Variants in SFI1 observed in about 807,000 individuals in gnomAD.
SFI1 encodes the protein protein SFI1 homolog.
In SFI1, 195 loss-of-function variants were observed where a neutral mutation model predicts 207.5. The ratio of observed to expected loss-of-function variants is 0.94; its 90% CI spans 0.84 to 1.06. SFI1 has a LOEUF of 1.06. SFI1 is among the 50% of genes least tolerant of loss of function. The pLI is 0.00. For synonymous variants in SFI1, 630 were observed against 598.9 expected (o/e 1.05, Z -0.76); for missense variants, 1,634 against 1,588.0 (o/e 1.03, Z -0.49).
intron 8 of SFI1, among the ~76,000 whole-genome samples, chr22:31,563,150 G>A (rs1005133181): frequency 6.6e-6 from 1 of 151,594 alleles, no homozygotes; most frequent in Non-Finnish European, 1.5e-5. Context: ...ATGCCGCCAC[G>A]CCTGGCTAAT....
intron 2 of SFI1, among the ~76,000 whole-genome samples, chr22:31,524,408 C>G (rs569668312): frequency 1.3e-5 from 2 of 151,834 alleles, no homozygotes; most frequent in Non-Finnish European, 2.9e-5. Context: ...AATGTCTATT[C>G]AGAGAATTTG....
chr22:31,594,382 T>C (rs1603278243), intron 15 of SFI1, among the ~76,000 whole-genome samples: 2 of 150,932 alleles, frequency 1.3e-5, no homozygotes, highest in East Asian at 3.9e-4. Flanking sequence ...ACCCTCTCTT[T>C]ACTAAAGATA....
intron 8 of SFI1, among the ~76,000 whole-genome samples, chr22:31,568,806 A>G (rs1050987632): frequency 1.3e-5 from 2 of 152,116 alleles, no homozygotes; most frequent in African/African-American, 4.8e-5. Flanking sequence ...TTGAGCATCA[A>G]AAAACAATAA....
At chr22:31,569,952 A>G in intron 8 of SFI1, among the ~76,000 whole-genome samples, 1 of 149,840 alleles carries the variant, frequency 6.7e-6, no homozygotes, top group East Asian at 1.9e-4. Context: ...TATCTCAAAA[A>G]AAAAAAAAAA....
intron 8 of SFI1, among the ~76,000 whole-genome samples, chr22:31,570,213 G>C (rs1380221353): frequency 6.6e-6 from 1 of 152,134 alleles, no homozygotes; most frequent in African/African-American, 2.4e-5. Flanking sequence ...AAAATTCCAG[G>C]TGAGATTTTC....
At chr22:31,501,309 C>T in intron 1 of SFI1, among the ~76,000 whole-genome samples, 1 of 151,502 alleles carries the variant, frequency 6.6e-6, no homozygotes, top group East Asian at 1.9e-4. Context: ...GTAGCTGGGA[C>T]TACAGGCGCC....
At chr22:31,582,919 T>G (rs1184506126) in intron 12 of SFI1, among the ~76,000 whole-genome samples, 1 of 152,174 alleles carries the variant, frequency 6.6e-6, no homozygotes, top group Non-Finnish European at 1.5e-5. Context: ...ACAATTTATT[T>G]ATTATTATAA....
intron 15 of SFI1, among the ~76,000 whole-genome samples, chr22:31,600,802 G>A (rs974860284): frequency 6.6e-6 from 1 of 152,228 alleles, no homozygotes; most frequent in African/African-American, 2.4e-5. Flanking sequence ...TACACTTACT[G>A]TCCAGCGCCT....
rs1456923002 is a variant in SFI1 at position 31,556,971 on chromosome 22, A to AAGTCCTGGT, written c.575_583dup (p.Trp194_Leu195insTer). ...AAAGCAAAAGATGCGACAGGCCTGGAAGTCCTGGTTGATCTACGTGGTTGT... is the reference window on the plus strand; with the variant it reads ...AAAGCAAAAGATGCGACAGGCCTGGAAGTCCTGGTAGTCCTGGTTGATCTACGTGGTTGT... On this transcript the variant is annotated stop_gained and inframe_insertion, in exon 7 of 33. Transcript: ENST00000400288. LOFTEE classifies it high-confidence loss of function. 3 of 1,610,530 alleles carry AAGTCCTGGT rather than the reference A, an allele frequency of 1.9e-6. No homozygotes were observed. In the African/African-American group the frequency reaches 4.0e-5, roughly 22 times the overall value.
chr22:31,532,244 G>T (rs917072479), intron 4 of SFI1, among the ~76,000 whole-genome samples: 1 of 152,136 alleles, frequency 6.6e-6, no homozygotes, highest in Non-Finnish European at 1.5e-5. Context: ...AATTGGCTTT[G>T]GCAAAGGAAA....
chr22:31,528,787 A>G lies in SFI1; in HGVS notation c.190A>G (p.Ser64Gly). ...CTTTGGGATCCGGAGGGAGTTACCTAGTACCAGTCATCTAGTGCAGTATCG... is the reference window on the plus strand; with the variant it reads ...CTTTGGGATCCGGAGGGAGTTACCTGGTACCAGTCATCTAGTGCAGTATCG... ...ASFGIRRELP[S>G]TSHLVQYRGT... The change falls in exon 3 of 33, where the codon AGT (serine) becomes GGT (glycine). Residue 64 changes from serine to glycine, a missense_variant. Ser to Gly is a moderately conservative substitution (Grantham distance 56). Transcript: ENST00000400288. 1.9e-6 allele frequency: 3 copies of G among 1,614,178 alleles called. No individual in the cohort carries two copies. The highest frequency in any genetic ancestry group is 2.5e-6 in the Non-Finnish European group (3 of 1,180,022).
At chr22:31,591,556 G>GC (rs1409849900) in intron 15 of SFI1, among the ~76,000 whole-genome samples, 1 of 144,526 alleles carries the variant, frequency 6.9e-6, no homozygotes, top group Non-Finnish European at 1.5e-5. Flanking sequence ...GGGCAGAGGC[G>GC]CCCCTCACCT....
At chr22:31,525,443 T>A (rs983363523) in intron 2 of SFI1, among the ~76,000 whole-genome samples, 1 of 152,202 alleles carries the variant, frequency 6.6e-6, no homozygotes, top group South Asian at 2.1e-4. Context: ...AAAAATAAAT[T>A]GGCACTGGGT....
chr22:31,554,226 C>T (rs1446514537), intron 6 of SFI1, among the ~76,000 whole-genome samples: 1 of 152,092 alleles, frequency 6.6e-6, no homozygotes, highest in African/African-American at 2.4e-5. Context: ...CTTATGTTTT[C>T]TCCTAAACAT....
At chr22:31,522,268 A>G (rs1056032056) in intron 2 of SFI1, among the ~76,000 whole-genome samples, 3 of 151,128 alleles carry the variant, frequency 2.0e-5, no homozygotes, top group African/African-American at 7.3e-5. Context: ...GTGTTTCACC[A>G]TGTTGGCCAG....
At chr22:31,585,625 T>G (rs1340792377) in intron 14 of SFI1, among the ~76,000 whole-genome samples, 1 of 152,200 alleles carries the variant, frequency 6.6e-6, no homozygotes, top group African/African-American at 2.4e-5. Context: ...ACTGCTGTTC[T>G]TCAGACACTG....
intron 2 of SFI1, among the ~76,000 whole-genome samples, chr22:31,514,507 C>CAA (rs776120363): frequency 0.23 from 11,233 of 48,716 alleles, 1,688 homozygotes; most frequent in East Asian, 0.42. Context: ...GACTCTGTCT[C>CAA]AAAAAAAAAA....
chr22:31,563,311 AC>A (rs1569318980), intron 8 of SFI1, among the ~76,000 whole-genome samples: 6 of 151,758 alleles, frequency 4.0e-5, no homozygotes, highest in African/African-American at 7.3e-5. Context: ...TATCATAATC[AC>A]CATGCAGTAT....
rs1369350812 is a variant in SFI1, at chr22:31,546,954, A to G, written c.432A>G (p.Arg144=). 6.2e-7 allele frequency: 1 copy of G among 1,610,382 alleles called. No individual in the cohort carries two copies. The highest frequency in any genetic ancestry group is 2.2e-5 in the East Asian group (1 of 44,770). ...VFQHEWKLCV[R]ADCHYRYYLY... is the part of the protein sequence containing the mutation. ...AGCACGAGTGGAAACTCTGTGTTCG[A>G]GCTGACTGTCACTACAGGTCAGGTT... Residue 144 remains arginine (R), a synonymous_variant, in exon 5 of 33, where the codon CGA becomes CGG. Transcript: ENST00000400288.
Sources: gnomAD v4.1 joint callset for allele counts (sites outside exome capture counted in the v4.1 genomes callset) on GRCh38, gnomAD v4.1.1 for gene constraint, MANE v1.5 for transcripts, NCBI Gene and HGNC (gene_info 2026-07-23, HGNC 2026-07-21) for gene names.